THUMPD2: variants seen among roughly 807,000 people sequenced by gnomAD.
THUMPD2 encodes U6 snRNA (guanine-N(2))-methyltransferase THUMPD2.
THUMPD2 carries 56 observed loss-of-function variants against 49.4 expected under a neutral mutation model. The ratio of observed to expected loss-of-function variants is 1.13; its 90% CI spans 0.91 to 1.41. The LOEUF is 1.41. Among genes scored for constraint, THUMPD2 ranks in the 40% most tolerant of loss-of-function variants. The pLI is 0.00. For missense variants in THUMPD2, 709 were observed against 594.5 expected, an observed-to-expected ratio of 1.19 and a Z score of -2.00; for synonymous variants, 237 against 205.2, an observed-to-expected ratio of 1.15 and a Z score of -1.32.
chr2:39,761,461 C>A, intron 5 of THUMPD2, 43 bp from the exon 6 acceptor site: 1 of 1,547,414 alleles, frequency 6.5e-7, no homozygotes, highest in Non-Finnish European at 8.9e-7. Flanking sequence ...ACACATTGAA[C>A]AACAAGATAT....
chr2:39,751,024 A>G (rs1675330187), intron 8 of THUMPD2, among the ~76,000 whole-genome samples: 1 of 152,280 alleles, frequency 6.6e-6, no homozygotes, highest in South Asian at 2.1e-4. Context: ...TTTAGCAGCA[A>G]GAACATGTGA....
intron 1 of THUMPD2, among the ~76,000 whole-genome samples, chr2:39,774,081 A>C (rs995202163): frequency 6.6e-6 from 1 of 152,220 alleles, no homozygotes; most frequent in Non-Finnish European, 1.5e-5. Context: ...TGGTATGTTT[A>C]CGTGGTCCCA....
At chr2:39,737,249 A>G (rs1395634280) in intron 9 of THUMPD2, among the ~76,000 whole-genome samples, 190 bp from the exon 10 acceptor site, 3 of 146,412 alleles carry the variant, frequency 2.0e-5, no homozygotes, top group African/African-American at 7.6e-5. Flanking sequence ...AATCCCTAGT[A>G]CAAATCTGCT....
chr2:39,745,875 TAATC>T (rs1489120382), intron 8 of THUMPD2, among the ~76,000 whole-genome samples: 1 of 152,202 alleles, frequency 6.6e-6, no homozygotes, highest in East Asian at 1.9e-4. Context: ...GAGCATAAAA[TAATC>T]AAAGCTTTTC....
chr2:39,761,445 A>G (rs1676813954), intron 5 of THUMPD2, 27 bp from the exon 6 acceptor site: 1 of 1,580,946 alleles, frequency 6.3e-7, no homozygotes, highest in Non-Finnish European at 8.7e-7. Context: ...CTGATTATAT[A>G]TTATTACACA....
At chr2:39,773,280 G>T (rs1413917093) in intron 1 of THUMPD2, among the ~76,000 whole-genome samples, 2 of 151,954 alleles carry the variant, frequency 1.3e-5, no homozygotes, top group East Asian at 1.9e-4. Flanking sequence ...AGCCATCATA[G>T]AACAATTTAA....
At chr2:39,776,394 ATTT>A (rs34586675) in intron 1 of THUMPD2, among the ~76,000 whole-genome samples, 11 of 135,660 alleles carry the variant, frequency 8.1e-5, no homozygotes, top group Admixed American at 1.5e-4. Flanking sequence ...TCAGTATACT[ATTT>A]TTTTTTTTTT....
intron 9 of THUMPD2, 115 bp downstream of exon 9, chr2:39,744,255 C>T (rs1674285795): frequency 3.6e-6 from 2 of 550,194 alleles, no homozygotes; most frequent in African/African-American, 4.0e-5. Context: ...AATTAAGCTA[C>T]AAAAACTCTG....
At chr2:39,758,139 A>G (rs1676375698) in intron 6 of THUMPD2, among the ~76,000 whole-genome samples, 1 of 152,236 alleles carries the variant, frequency 6.6e-6, no homozygotes, top group South Asian at 2.1e-4. Flanking sequence ...ACATGTTTAT[A>G]TTAAAACAAA....
intron 3 of THUMPD2, chr2:39,768,795 G>T: frequency 1.2e-6 from 1 of 863,920 alleles, no homozygotes. Flanking sequence ...TGATAAATAT[G>T]ATCATTCTGG....
intron 9 of THUMPD2, among the ~76,000 whole-genome samples, chr2:39,744,056 T>G (rs1572749046): frequency 6.6e-6 from 1 of 151,582 alleles, no homozygotes; most frequent in African/African-American, 2.4e-5. Flanking sequence ...TTTTTTTTTT[T>G]TGTGAGGGAT....
Position 39,744,366 on chromosome 2 carries a change from T to C in THUMPD2, c.1187+4A>G, listed in dbSNP as rs369624208. 9 of 1,536,278 alleles carry C rather than the reference T, an allele frequency of 5.9e-6. No homozygotes were observed. Among genetic ancestry groups the C allele is most frequent in the East Asian group, 2.4e-5 (1 of 41,494 alleles). On this transcript the variant is annotated splice_donor_region_variant and intron_variant, in intron 9 of 9. Coordinates refer to ENST00000505747, the MANE Select transcript of THUMPD2 (RefSeq NM_025264.5). ...AAATTATGAAAATAAATTCAACAAC[T>C]TACCTTTCCATTTCTTGTAGAATGC...
In THUMPD2 at chr2:39,769,713, T is replaced by C. The variant is rs981948739; in HGVS notation, c.669A>G (p.Ala223=). 1 of 1,556,926 alleles carries C rather than the reference T, an allele frequency of 6.4e-7. No homozygotes were observed. Among genetic ancestry groups the C allele is most frequent in the Admixed American group, 2.1e-5 (1 of 47,412 alleles). The change falls in exon 3 of 10, where the codon GCA becomes GCG. Residue 223 remains alanine (A), a synonymous_variant. Coordinates refer to ENST00000505747, the MANE Select transcript of THUMPD2 (RefSeq NM_025264.5). ...CCACTTTAGGATGCAAGCATACCTGTGCAGTGAAGGCCTTTCCAATAGTTC... is the reference window on the plus strand; with the variant it reads ...CCACTTTAGGATGCAAGCATACCTGCGCAGTGAAGGCCTTTCCAATAGTTC... ...CSGTIGKAFT[A]QEVGKVIGIA...
At chr2:39,766,588 T>C (rs542298578) in intron 4 of THUMPD2, among the ~76,000 whole-genome samples, 24 of 152,234 alleles carry the variant, frequency 1.6e-4, no homozygotes, top group Middle Eastern at 3.2e-3. Flanking sequence ...TATAAGTTTC[T>C]GTCTTTCTTT....
chr2:39,744,679 C>T (rs1674337622), intron 8 of THUMPD2: 7 of 353,514 alleles, frequency 2.0e-5, no homozygotes, highest in South Asian at 7.7e-5. Context: ...GTATTCTGTT[C>T]GTTGAAAATT....
At position 39,737,197 on chromosome 2, in the gene THUMPD2, G is replaced by A. The variant is rs1443237902; in HGVS notation, c.1188-138C>T. The A allele has an allele frequency of 6.6e-6, 5 of 756,470 alleles. No homozygotes were observed. In the South Asian group the frequency reaches 1.0e-4, roughly 15 times the overall value. The allele number at this position is 756,470 out of a possible 1,614,324, so 46.9% of individuals were successfully genotyped here. On this transcript the variant is annotated intron_variant, in intron 9 of 9. Transcript: ENST00000505747. ...TAAATATAAGGATTTTTGATAATTA[G>A]GTAGTATCTTCTATAATGTATATTC...
Position 39,770,078 on chromosome 2 carries a change from G to T in THUMPD2, c.304C>A (p.Pro102Thr). The T allele has an allele frequency of 1.3e-6, 2 of 1,543,054 alleles. No individual in the cohort carries two copies. Among genetic ancestry groups the T allele is most frequent in the South Asian group, 1.3e-5 (1 of 77,792 alleles). ...GAAATGGCATTCAACCAACTTCCTG[G>T]ATCTTCATTTATAAGTCTTTGCATT... ...NEMQRLINED[P>T]GSWLNAISIW... The change falls in exon 3 of 10, where the codon CCA becomes ACA. Residue 102 changes from proline to threonine, a missense_variant. Physicochemically the swap from Pro to Thr is conservative, Grantham distance 38 (BLOSUM62 -1). Transcript: ENST00000505747.
At chr2:39,770,220 G>A (rs1678127406) in intron 2 of THUMPD2, 101 bp from the exon 3 acceptor site, 2 of 809,088 alleles carry the variant, frequency 2.5e-6, no homozygotes, top group Non-Finnish European at 3.5e-6. Flanking sequence ...CTTGAATTAA[G>A]TTTTATTAAA....
intron 1 of THUMPD2, among the ~76,000 whole-genome samples, chr2:39,775,694 C>T (rs918760349): frequency 1.5e-5 from 2 of 130,874 alleles, no homozygotes; most frequent in Non-Finnish European, 3.1e-5. Flanking sequence ...ACCCAGGAGG[C>T]GGAGGTTGCA....
Sources: allele counts gnomAD v4.1 joint callset (sites outside exome capture counted in the v4.1 genomes callset), GRCh38; gene constraint gnomAD v4.1.1; transcripts MANE v1.5; gene names NCBI Gene and HGNC (gene_info 2026-07-23, HGNC 2026-07-21).